The following COL10A1 variants were observed in gnomAD, a reference collection of about 807,000 sequenced individuals.
COL10A1 encodes collagen alpha-1(X) chain.
In COL10A1, 10 loss-of-function variants were observed where a neutral mutation model predicts 18.2. That is an observed-to-expected ratio of 0.55 (90% CI 0.34 to 0.93). The LOEUF (loss-of-function observed/expected upper bound fraction) is 0.93. COL10A1 is among the 40% of genes least tolerant of loss of function. The pLI is 0.02. For missense variants in COL10A1, 897 were observed against 853.5 expected, an observed-to-expected ratio of 1.05 and a Z score of -0.64; for synonymous variants, 330 against 316.6, an observed-to-expected ratio of 1.04 and a Z score of -0.45.
chr6:116,163,126 C>CAAAAAAAAAA (rs71272373), upstream of COL10A1, among the ~76,000 whole-genome samples: 13 of 84,306 alleles, frequency 1.5e-4, no homozygotes, highest in South Asian at 3.4e-4. Context: ...GACTCCGTCT[C>CAAAAAAAAAA]AAAAAAAAAA....
chr6:116,210,781 A>G, the COL10A1 span, among the ~76,000 whole-genome samples: 5 of 152,214 alleles, frequency 3.3e-5, no homozygotes, highest in South Asian at 1.0e-3. Context: ...TTCCTCAGAT[A>G]CAATGCTGAA....
chr6:116,125,870 G>A (rs958416411), intron 1 of COL10A1, 183 bp downstream of exon 1: 3 of 204,898 alleles, frequency 1.5e-5, no homozygotes, highest in Non-Finnish European at 3.0e-5. Flanking sequence ...TTACAATATG[G>A]TTTTATTGGG....
the COL10A1 span, among the ~76,000 whole-genome samples, chr6:116,178,349 T>G: frequency 2.6e-5 from 4 of 152,132 alleles, no homozygotes; most frequent in African/African-American, 9.7e-5. Flanking sequence ...TAGGACACCT[T>G]TCTGAACTCT....
the COL10A1 span, among the ~76,000 whole-genome samples, chr6:116,193,932 C>T: frequency 6.6e-6 from 1 of 151,904 alleles, no homozygotes; most frequent in Non-Finnish European, 1.5e-5. Context: ...GATGTGGTGG[C>T]ATGTATCTGT....
intron 1 of COL10A1, among the ~76,000 whole-genome samples, chr6:116,134,671 C>G (rs1457771661): frequency 6.6e-6 from 1 of 152,122 alleles, no homozygotes; most frequent in Non-Finnish European, 1.5e-5. Context: ...AAAATAATAA[C>G]TTGGAATTCT....
intron 1 of COL10A1, among the ~76,000 whole-genome samples, chr6:116,141,730 T>C (rs377025625): frequency 6.6e-5 from 10 of 151,846 alleles, no homozygotes; most frequent in African/African-American, 2.4e-4. Context: ...TCTTATGTGA[T>C]AATAACTAGT....
At chr6:116,165,089 T>C in the COL10A1 span, among the ~76,000 whole-genome samples, 2 of 98,290 alleles carry the variant, frequency 2.0e-5, no homozygotes, top group African/African-American at 5.1e-5. Flanking sequence ...AGAGCGAGAC[T>C]CCGTCTCAGA....
At chr6:116,216,409 A>G in the COL10A1 span, among the ~76,000 whole-genome samples, 4 of 151,862 alleles carry the variant, frequency 2.6e-5, no homozygotes, top group Non-Finnish European at 4.4e-5. Context: ...AAAAATACCA[A>G]TGTTGTGGCC....
chr6:116,121,746 C>G lies in COL10A1; in HGVS notation c.370G>C (p.Gly124Arg), dbSNP rs917231402. 6.2e-7 allele frequency: 1 copy of G among 1,613,960 alleles called. No individual in the cohort carries two copies. Among genetic ancestry groups the G allele is most frequent in the African/African-American group, 1.3e-5 (1 of 74,948 alleles). Residue 124 changes from glycine (G) to arginine (R), a missense_variant, in exon 3 of 3, where the codon GGA becomes CGA. Physicochemically the swap from Gly to Arg is moderately radical, Grantham distance 125. Coordinates refer to ENST00000651968, the MANE Select transcript of COL10A1 (RefSeq NM_000493.4). Reference protein sequence around the residue: ...PGKPGERGPYGPKGDVGPAGL... With the variant: ...PGKPGERGPYRPKGDVGPAGL... ...GCTGGTCCAACATCTCCTTTTGGTCCATATGGTCCTCTCTCTCCTGGTTTT... is the reference window on the plus strand; with the variant it reads ...GCTGGTCCAACATCTCCTTTTGGTCGATATGGTCCTCTCTCTCCTGGTTTT...
At chr6:116,214,373 A>G in the COL10A1 span, among the ~76,000 whole-genome samples, 2 of 152,172 alleles carry the variant, frequency 1.3e-5, no homozygotes, top group Admixed American at 6.6e-5. Flanking sequence ...ACACAGACAC[A>G]GATTTGAGCA....
chr6:116,143,207 CTTTTGT>C (rs1779809278), intron 1 of COL10A1, among the ~76,000 whole-genome samples: 2 of 151,986 alleles, frequency 1.3e-5, no homozygotes, highest in African/African-American at 4.8e-5. Flanking sequence ...TTTCTCACCT[CTTTTGT>C]TTTTGTTTTT....
chr6:116,205,939 G>A, the COL10A1 span, among the ~76,000 whole-genome samples: 4 of 151,848 alleles, frequency 2.6e-5, no homozygotes, highest in Non-Finnish European at 5.9e-5. Context: ...ATTAGGTTTT[G>A]TGGTCCCCAA....
At chr6:116,127,069 G>A (rs146693712), upstream of COL10A1, among the ~76,000 whole-genome samples, 4 of 152,138 alleles carry the variant, frequency 2.6e-5, no homozygotes, top group East Asian at 1.9e-4. Flanking sequence ...TAATTTCATC[G>A]TTTTGAATCA....
the COL10A1 span, among the ~76,000 whole-genome samples, chr6:116,208,715 T>C: frequency 6.6e-6 from 1 of 152,054 alleles, no homozygotes; most frequent in Admixed American, 6.6e-5. Flanking sequence ...TCTGTGACCC[T>C]GCGATTGCTC....
intron 1 of COL10A1, among the ~76,000 whole-genome samples, chr6:116,154,454 C>T (rs1299538652): frequency 6.6e-6 from 1 of 152,044 alleles, no homozygotes; most frequent in Non-Finnish European, 1.5e-5. Flanking sequence ...ACATTATACT[C>T]CTTGCTACAG....
chr6:116,200,554 T>G, the COL10A1 span, among the ~76,000 whole-genome samples: 4 of 152,048 alleles, frequency 2.6e-5, no homozygotes, highest in Admixed American at 1.3e-4. Flanking sequence ...AAATTAAAAT[T>G]TTATTTTAAA....
chr6:116,120,145 G>A lies in COL10A1; in HGVS notation c.1971C>T (p.Ala657=), dbSNP rs1274090130. ...NDQVWLQLPN[A]ESNGLYSSEY... Reference sequence around the variant, plus strand: ...CAGAGGAGTATAGGCCATTTGACTCGGCATTGGGAAGCTGGAGCCACACCT... The same window carrying A: ...CAGAGGAGTATAGGCCATTTGACTCAGCATTGGGAAGCTGGAGCCACACCT... The change falls in exon 3 of 3, where the codon GCC becomes GCT. Residue 657 remains alanine, a synonymous_variant. Coordinates refer to ENST00000651968, the MANE Select transcript of COL10A1 (RefSeq NM_000493.4). 3 of 1,614,052 alleles carry A rather than the reference G, an allele frequency of 1.9e-6. No homozygotes were observed. The highest frequency in any genetic ancestry group is 1.7e-4 in the Middle Eastern group (1 of 6,056).
At chr6:116,122,444 T>C (rs1472870806) in intron 2 of COL10A1, among the ~76,000 whole-genome samples, 2 of 152,294 alleles carry the variant, frequency 1.3e-5, no homozygotes, top group South Asian at 2.1e-4. Flanking sequence ...CAGGTTAGAT[T>C]TTGGTTGATT....
At chr6:116,212,680 A>T in the COL10A1 span, among the ~76,000 whole-genome samples, 5 of 152,106 alleles carry the variant, frequency 3.3e-5, no homozygotes, top group Non-Finnish European at 7.4e-5. Context: ...TTGAGTTGAG[A>T]TTTAATGGGT....
Sources: allele counts gnomAD v4.1 joint callset (sites outside exome capture counted in the v4.1 genomes callset), GRCh38; gene constraint gnomAD v4.1.1; transcripts MANE v1.5; gene names NCBI Gene and HGNC (gene_info 2026-07-23, HGNC 2026-07-21).